Variants in KCNMA1 observed in about 807,000 individuals in gnomAD.
KCNMA1 encodes the protein potassium calcium-activated channel subfamily M alpha 1, also known as Calcium-activated potassium channel subunit alpha-1.
In KCNMA1, 29 loss-of-function variants were observed where a neutral mutation model predicts 140.0. The ratio of observed to expected loss-of-function variants is 0.21; its 90% CI spans 0.15 to 0.28. KCNMA1 has a LOEUF of 0.28. KCNMA1 is among the 10% of genes least tolerant of loss of function. The probability of loss-of-function intolerance (pLI) is 1.00; values close to 1 mark genes in which losing one functional copy is unlikely to be tolerated. For synonymous variants in KCNMA1, 612 were observed against 611.9 expected, an observed-to-expected ratio of 1.00 and a Z score of 0.00; for missense variants, 880 against 1,602.2, an observed-to-expected ratio of 0.55 and a Z score of 7.70.
chr10:77,236,147 G>C (rs990536388), intron 3 of KCNMA1, among the ~76,000 whole-genome samples: 1 of 152,116 alleles, frequency 6.6e-6, no homozygotes, highest in African/African-American at 2.4e-5. Flanking sequence ...TCCGAGGCCC[G>C]GGCGAACTTT....
At chr10:76,972,794 G>A (rs570869806) in intron 19 of KCNMA1, among the ~76,000 whole-genome samples, 8 of 152,206 alleles carry the variant, frequency 5.3e-5, no homozygotes, top group East Asian at 3.9e-4. Flanking sequence ...ATATATGAAC[G>A]CTGTGTAATG....
chr10:76,996,459 C>G (rs114296628), intron 19 of KCNMA1, among the ~76,000 whole-genome samples: 1,527 of 152,296 alleles, frequency 0.01, 31 homozygotes, highest in African/African-American at 0.035. Flanking sequence ...CAGTGGCTGC[C>G]TAGGCCGATC....
At chr10:77,249,613 A>G (rs560639507) in intron 3 of KCNMA1, 3 of 152,384 alleles carry the variant, frequency 2.0e-5, no homozygotes, top group Non-Finnish European at 2.9e-5. Context: ...TTCAAGCCCA[A>G]ACCTCTTTCC....
chr10:76,976,488 T>C (rs2077573069), intron 19 of KCNMA1, among the ~76,000 whole-genome samples: 1 of 152,182 alleles, frequency 6.6e-6, no homozygotes, highest in Non-Finnish European at 1.5e-5. Context: ...TGGAATGCAG[T>C]GTTCTCTACA....
At chr10:77,134,997 CAAAAAAAAAAAAAAAAAAA>C (rs71028253) in intron 5 of KCNMA1, among the ~76,000 whole-genome samples, 1 of 11,768 alleles carries the variant, frequency 8.5e-5, no homozygotes, top group East Asian at 1.7e-3. Context: ...GACTCTGTCT[CAAAAAAAAAAAAAAAAAAA>C]AAAAAAAAAA....
intron 1 of KCNMA1, among the ~76,000 whole-genome samples, chr10:77,613,681 G>A (rs951714365): frequency 1.1e-4 from 17 of 152,294 alleles, no homozygotes; most frequent in Middle Eastern, 3.4e-3. Flanking sequence ...GGATGTTTGC[G>A]TTCAAGCCAA....
intron 20 of KCNMA1, among the ~76,000 whole-genome samples, chr10:76,964,628 G>T (rs1272689879): frequency 1.3e-5 from 2 of 152,164 alleles, no homozygotes; most frequent in Non-Finnish European, 2.9e-5. Flanking sequence ...CTTTTGCCCA[G>T]TGGAAGGAAT....
At chr10:77,528,608 C>CAAAAA (rs376809211) in intron 1 of KCNMA1, among the ~76,000 whole-genome samples, 3 of 92,028 alleles carry the variant, frequency 3.3e-5, no homozygotes, top group Non-Finnish European at 2.3e-5. Flanking sequence ...GAGCCCATCT[C>CAAAAA]AAAAAAAAAA....
intron 1 of KCNMA1, among the ~76,000 whole-genome samples, chr10:77,418,359 G>C (rs2096789401): frequency 1.3e-5 from 2 of 152,190 alleles, no homozygotes; most frequent in African/African-American, 4.8e-5. Flanking sequence ...CTCGGCAGCT[G>C]TGAGAACCTT....
At chr10:77,614,570 A>T (rs2088563657) in intron 1 of KCNMA1, among the ~76,000 whole-genome samples, 1 of 152,132 alleles carries the variant, frequency 6.6e-6, no homozygotes, top group Non-Finnish European at 1.5e-5. Flanking sequence ...ACATCACAAA[A>T]ATGGGAGCCA....
intron 3 of KCNMA1, among the ~76,000 whole-genome samples, chr10:77,213,319 G>A (rs1020144448): frequency 2.6e-5 from 4 of 152,076 alleles, no homozygotes; most frequent in African/African-American, 9.7e-5. Flanking sequence ...TCCCCCTAAT[G>A]TATCCTTTGA....
At chr10:77,256,775 A>C (rs904963269) in intron 2 of KCNMA1, among the ~76,000 whole-genome samples, 1 of 152,166 alleles carries the variant, frequency 6.6e-6, no homozygotes, top group Admixed American at 6.5e-5. Flanking sequence ...ACAATTTTCT[A>C]TATATGATCC....
intron 2 of KCNMA1, among the ~76,000 whole-genome samples, chr10:77,347,317 C>T (rs1191820864): frequency 6.6e-6 from 1 of 152,168 alleles, no homozygotes; most frequent in Non-Finnish European, 1.5e-5. Flanking sequence ...TATGTTACAA[C>T]AGAGAAGACT....
In KCNMA1 at chr10:76,886,382, C is replaced by T. The variant is rs1169845172; in HGVS notation, c.*884G>A. 2.0e-6 allele frequency: 2 copies of T among 984,836 alleles called. No homozygotes were observed. Among genetic ancestry groups the T allele is most frequent in the Non-Finnish European group, 1.2e-6 (1 of 829,522 alleles). The allele number at this position is 984,836 out of a possible 1,614,324, so 61.0% of individuals were successfully genotyped here. A position where few individuals can be genotyped will look rare whatever the true frequency, so the allele number is the denominator to read the frequency against. ...CAGGAAGGCAGTTTTTAATGACTTACATCTGATATTTATGATACATATGGC... is the reference window on the plus strand; with the variant it reads ...CAGGAAGGCAGTTTTTAATGACTTATATCTGATATTTATGATACATATGGC... On this transcript the variant is annotated 3_prime_UTR_variant, in exon 28 of 28. Transcript: ENST00000286628.
At chr10:77,430,683 T>TA (rs1048822830) in intron 1 of KCNMA1, among the ~76,000 whole-genome samples, 2 of 152,192 alleles carry the variant, frequency 1.3e-5, no homozygotes, top group African/African-American at 2.4e-5. Context: ...ACAGTGGTCA[T>TA]AACAAGGGAG....
At chr10:77,289,479 A>G (rs1362485991) in intron 2 of KCNMA1, among the ~76,000 whole-genome samples, 2 of 152,232 alleles carry the variant, frequency 1.3e-5, no homozygotes, top group Non-Finnish European at 2.9e-5. Flanking sequence ...AGGTGTCAGC[A>G]TCTGGGACAG....
chr10:77,622,663 A>G (rs1490658416), intron 1 of KCNMA1, among the ~76,000 whole-genome samples: 1 of 152,238 alleles, frequency 6.6e-6, no homozygotes, highest in African/African-American at 2.4e-5. Flanking sequence ...AACCTGTAAA[A>G]TGGGAATTTA....
intron 2 of KCNMA1, among the ~76,000 whole-genome samples, chr10:77,371,715 A>G (rs1237082843): frequency 6.6e-6 from 1 of 152,036 alleles, no homozygotes. Context: ...TATGATATGC[A>G]CTTCCAGTTC....
rs144005458 is a variant in KCNMA1, at chr10:76,935,973, T to G, written c.2902+8800A>C. On this transcript the variant is annotated intron_variant, in intron 23 of 27. Transcript: ENST00000286628. ...GTCCAAGTTTCTCAGTCTCTTATTA[T>G]AGCTGCTGCTGTTGTTTTTCCTTGT... Among the ~76,000 whole-genome samples, 8 of 152,370 alleles carry G rather than the reference T, an allele frequency of 5.3e-5. No homozygotes were observed. The East Asian group carries it at 1.5e-3, about 29-fold the overall frequency.
Sources: gnomAD v4.1 joint callset for allele counts (sites outside exome capture counted in the v4.1 genomes callset) on GRCh38, gnomAD v4.1.1 for gene constraint, MANE v1.5 for transcripts, NCBI Gene and HGNC (gene_info 2026-07-23, HGNC 2026-07-21) for gene names.